The following RNF24 variants were observed in gnomAD, a reference collection of about 807,000 sequenced individuals.
RNF24 encodes the protein ring finger protein 24.
Under a neutral mutation model 20.0 loss-of-function variants are expected in RNF24, and 14 were observed. The observed-to-expected ratio is 0.70, with a 90% CI of 0.46 to 1.10. The LOEUF (loss-of-function observed/expected upper bound fraction) is 1.10, where lower values mean the gene tolerates loss of function less well. Ranked by LOEUF, RNF24 falls within the 50% of genes least tolerant of loss-of-function variation. RNF24 has a pLI of 0.00. For missense variants in RNF24, 124 were observed against 177.6 expected (o/e 0.70, Z 1.71); for synonymous variants, 45 against 61.1 (o/e 0.74, Z 1.23).
Position 3,944,403 on chromosome 20 carries a change from C to A in RNF24, c.228+774G>T, listed in dbSNP as rs75914333. ...TTTTATTATGATTCAAAAAACCTAACAAATTAACTTTCTTTGAAGAGACTG... is the reference window on the plus strand; with the variant it reads ...TTTTATTATGATTCAAAAAACCTAAAAAATTAACTTTCTTTGAAGAGACTG... On this transcript the variant is annotated intron_variant, in intron 4 of 5. Transcript: ENST00000358395. 3.9e-5 allele frequency among the ~76,000 whole-genome samples: 6 copies of A among 152,088 alleles called. No individual in the cohort carries two copies. The East Asian group carries it at 7.7e-4, about 20-fold the overall frequency.
At chr20:3,985,201 T>C (rs1979779021) in intron 1 of RNF24, among the ~76,000 whole-genome samples, 1 of 152,208 alleles carries the variant, frequency 6.6e-6, no homozygotes, top group Non-Finnish European at 1.5e-5. Context: ...GATGTTGTAA[T>C]TTTAAAATAT....
At chr20:3,974,000 T>A in intron 1 of RNF24, among the ~76,000 whole-genome samples, 1 of 150,624 alleles carries the variant, frequency 6.6e-6, no homozygotes, top group East Asian at 1.9e-4. Flanking sequence ...AATATGTAAA[T>A]AGAATTTTAC....
Position 3,966,242 on chromosome 20 carries a change from C to T in RNF24, c.-7-2218G>A, listed in dbSNP as rs145197908. Among the ~76,000 whole-genome samples, 62 of 151,268 alleles carry T rather than the reference C, an allele frequency of 4.1e-4. 1 individual carries two copies. The highest frequency in any genetic ancestry group is 1.3e-3 in the African/African-American group (54 of 41,180). ...GACAGAAAGTGGTATGGTAGAAAGA[C>T]GGAGAGGTTTGCAGTCAGCAAAGCT... On this transcript the variant is annotated intron_variant, in intron 1 of 5. Coordinates refer to ENST00000358395, the MANE Select transcript of RNF24 (RefSeq NM_001134337.3).
At chr20:3,952,803 C>T (rs1314735469) in intron 2 of RNF24, among the ~76,000 whole-genome samples, 1 of 152,052 alleles carries the variant, frequency 6.6e-6, no homozygotes, top group African/African-American at 2.4e-5. Flanking sequence ...TGATATTATA[C>T]TATTAATGTG....
rs1461589671 is a variant in RNF24, at chr20:3,928,027, T to TGGAAGC, written c.*6030_*6035dup. On this transcript the variant is annotated 3_prime_UTR_variant, in exon 6 of 6. Transcript: ENST00000358395. ...TTTTCTTCTGATATCCCCACTCAAA[T>TGGAAGC]GGAAGCACACTCCCCAGCACATGGG... 2 of 152,150 alleles carry TGGAAGC rather than the reference T, an allele frequency of 1.3e-5. No individual in the cohort carries two copies. The highest frequency in any genetic ancestry group is 2.9e-5 in the Non-Finnish European group (2 of 68,036). 9.4% of individuals were successfully genotyped at this position (152,150 alleles called of 1,614,324 possible).
intron 1 of RNF24, among the ~76,000 whole-genome samples, chr20:4,013,391 G>T (rs1156778067): frequency 6.6e-6 from 1 of 152,140 alleles, no homozygotes; most frequent in Non-Finnish European, 1.5e-5. Flanking sequence ...GAATCTTAAA[G>T]AAAACAGAAC....
intron 2 of RNF24, among the ~76,000 whole-genome samples, chr20:3,963,485 G>A (rs1359801673): frequency 1.3e-5 from 2 of 152,220 alleles, no homozygotes; most frequent in African/African-American, 2.4e-5. Flanking sequence ...GAGCCACTGC[G>A]CCCAGCCTTC....
At position 3,958,581 on chromosome 20, in the gene RNF24, A is replaced by G. The variant is rs191977362; in HGVS notation, c.143+5294T>C. On this transcript the variant is annotated intron_variant, in intron 2 of 5. Transcript: ENST00000358395. ...GTTATCCTCTTTGTTGGCAGCTGAC[A>G]TAATTGACTCAATCCATTGAAACAC... 1.1e-4 allele frequency among the ~76,000 whole-genome samples: 16 copies of G among 152,354 alleles called. No individual in the cohort carries two copies. The East Asian group carries it at 3.1e-3, about 29-fold the overall frequency.
rs556788382 is a variant in RNF24, at chr20:3,932,841, T to C, written c.*1222A>G. ...AAATCTTAATGGACTTTGAGTCATT[T>C]CTAGAAAAGTTGGACAGAAAGAGCC... On this transcript the variant is annotated 3_prime_UTR_variant, in exon 6 of 6. Coordinates refer to ENST00000358395, the MANE Select transcript of RNF24 (RefSeq NM_001134337.3). 6.0e-5 allele frequency: 24 copies of C among 398,128 alleles called. No individual in the cohort carries two copies. The highest frequency in any genetic ancestry group is 1.3e-4 in the South Asian group (1 of 7,504). 24.7% of individuals were successfully genotyped at this position (398,128 alleles called of 1,614,324 possible).
In RNF24 at chr20:3,933,412, TAA is replaced by T. The variant is rs780209218; in HGVS notation, c.*649_*650del. The T allele has an allele frequency of 8.6e-5, 33 of 385,604 alleles. No homozygotes were observed. Among genetic ancestry groups the T allele is most frequent in the Admixed American group, 1.8e-4 (4 of 22,310 alleles). The allele number at this position is 385,604 out of a possible 1,614,324, so 23.9% of individuals were successfully genotyped here. A position where few individuals can be genotyped will look rare whatever the true frequency, so the allele number is the denominator to read the frequency against. ...ACTGGTGCATAGGAGAGGGAAATGA[TAA>T]GAGGAAATGGCTTCTGACTAGGCCT... On this transcript the variant is annotated 3_prime_UTR_variant, in exon 6 of 6. Coordinates refer to ENST00000358395, the MANE Select transcript of RNF24 (RefSeq NM_001134337.3).
intron 1 of RNF24, among the ~76,000 whole-genome samples, chr20:3,976,096 T>C (rs1484310759): frequency 6.6e-6 from 1 of 152,210 alleles, no homozygotes; most frequent in Non-Finnish European, 1.5e-5. Flanking sequence ...CACCAACATC[T>C]TGATTTCAGA....
intron 1 of RNF24, 105 bp downstream of exon 1, chr20:4,015,332 G>C (rs1402752699): frequency 6.6e-6 from 1 of 152,090 alleles, no homozygotes; most frequent in East Asian, 1.9e-4. Flanking sequence ...AGGCTGGCGC[G>C]GGCCCGCGGT....
intron 2 of RNF24, among the ~76,000 whole-genome samples, chr20:3,960,104 TTG>T (rs745473277): frequency 2.1e-4 from 32 of 152,196 alleles, no homozygotes; most frequent in Non-Finnish European, 4.7e-4. Context: ...AGTGACTGTC[TTG>T]TTTAGACCTA....
intron 2 of RNF24, among the ~76,000 whole-genome samples, chr20:3,953,843 A>T (rs1331626444): frequency 2.1e-5 from 3 of 144,782 alleles, no homozygotes; most frequent in African/African-American, 7.7e-5. Context: ...TGCAACCTCC[A>T]CCTCCCGGGT....
chr20:4,010,321 C>T (rs1199624983), intron 1 of RNF24, among the ~76,000 whole-genome samples: 1 of 152,058 alleles, frequency 6.6e-6, no homozygotes, highest in East Asian at 1.9e-4. Flanking sequence ...TGTGGTGAGC[C>T]GAGATTGCAC....
chr20:3,931,575 C>T lies in RNF24; in HGVS notation c.*2488G>A, dbSNP rs1443918956. 1 of 152,184 alleles carries T rather than the reference C, an allele frequency of 6.6e-6. No homozygotes were observed. Among genetic ancestry groups the T allele is most frequent in the Non-Finnish European group, 1.5e-5 (1 of 68,044 alleles). 9.4% of individuals were successfully genotyped at this position (152,184 alleles called of 1,614,324 possible). A position where few individuals can be genotyped will look rare whatever the true frequency, so the allele number is the denominator to read the frequency against. ...ATTCGGGTTGTGTTGCTAAGAGTCG[C>T]AGGAACTACTGCTAGTGATACTAGG... On this transcript the variant is annotated 3_prime_UTR_variant, in exon 6 of 6. Transcript: ENST00000358395.
chr20:3,957,110 C>A (rs558475070), intron 2 of RNF24, among the ~76,000 whole-genome samples: 29 of 151,960 alleles, frequency 1.9e-4, no homozygotes, highest in African/African-American at 6.8e-4. Flanking sequence ...TCAGCCTGGC[C>A]AACATGGTGA....
At chr20:3,942,549 T>G (rs2090969478) in intron 4 of RNF24, among the ~76,000 whole-genome samples, 1 of 152,118 alleles carries the variant, frequency 6.6e-6, no homozygotes, top group African/African-American at 2.4e-5. Context: ...CTCAGCTCAC[T>G]GCAAGCTCCG....
intron 2 of RNF24, among the ~76,000 whole-genome samples, chr20:3,950,370 A>G (rs1222715904): frequency 6.6e-6 from 1 of 152,236 alleles, no homozygotes; most frequent in Non-Finnish European, 1.5e-5. Context: ...ATGTGAACAC[A>G]GAGACAGAGA....
Sources: allele counts gnomAD v4.1 joint callset (sites outside exome capture counted in the v4.1 genomes callset), GRCh38; gene constraint gnomAD v4.1.1; transcripts MANE v1.5; gene names NCBI Gene and HGNC (gene_info 2026-07-23, HGNC 2026-07-21).